COL11A1: variants seen among roughly 807,000 people sequenced by gnomAD.
COL11A1 encodes the protein collagen type XI alpha 1 chain, also known as collagen alpha-1(XI) chain.
Under a neutral mutation model 265.2 loss-of-function variants are expected in COL11A1, and 74 were observed. That is an observed-to-expected ratio of 0.28 (90% confidence interval 0.23 to 0.34). The LOEUF (loss-of-function observed/expected upper bound fraction) is 0.34, where lower values mean the gene tolerates loss of function less well. Ranked by LOEUF, COL11A1 falls within the 10% of genes least tolerant of loss-of-function variation. The pLI, the probability that COL11A1 is intolerant of heterozygous loss-of-function variation, is 1.00. For missense variants in COL11A1, 2,165 were observed against 2,263.6 expected (o/e 0.96, Z 0.88); for synonymous variants, 816 against 727.6 (o/e 1.12, Z -1.96).
At chr1:102,885,027 GC>G (rs1231089167) in intron 63 of COL11A1, among the ~76,000 whole-genome samples, 1 of 152,100 alleles carries the variant, frequency 6.6e-6, no homozygotes, top group African/African-American at 2.4e-5. Context: ...TACAACACAG[GC>G]CAGGGAGTAT....
chr1:103,003,601 G>A (rs1228288894), intron 20 of COL11A1, among the ~76,000 whole-genome samples: 2 of 151,888 alleles, frequency 1.3e-5, no homozygotes, highest in Non-Finnish European at 2.9e-5. Flanking sequence ...TGACAGCATC[G>A]AACATTATTA....
intron 1 of COL11A1, among the ~76,000 whole-genome samples, chr1:103,086,683 TG>T (rs1398669174): frequency 1.3e-5 from 2 of 152,168 alleles, no homozygotes; most frequent in Non-Finnish European, 2.9e-5. Flanking sequence ...CCCAAAGTGC[TG>T]GGATTACAGG....
At chr1:102,923,705 T>C (rs1025421318) in intron 46 of COL11A1, among the ~76,000 whole-genome samples, 3 of 152,120 alleles carry the variant, frequency 2.0e-5, no homozygotes, top group Non-Finnish European at 2.9e-5. Context: ...ACAAATAATA[T>C]ATAGAACTTC....
chr1:103,011,462 A>T (rs1041332913), intron 14 of COL11A1, among the ~76,000 whole-genome samples: 1 of 152,062 alleles, frequency 6.6e-6, no homozygotes, highest in African/African-American at 2.4e-5. Context: ...AAATATATAT[A>T]AAATTTTATG....
chr1:102,998,950 C>T (rs1664876779), intron 24 of COL11A1, among the ~76,000 whole-genome samples: 1 of 151,912 alleles, frequency 6.6e-6, no homozygotes, highest in Admixed American at 6.6e-5. Context: ...TGTTTAACCA[C>T]ACAGAGTTTC....
At chr1:103,042,340 T>A (rs1668878163) in intron 4 of COL11A1, among the ~76,000 whole-genome samples, 1 of 152,144 alleles carries the variant, frequency 6.6e-6, no homozygotes, top group Non-Finnish European at 1.5e-5. Flanking sequence ...TGAAATAACT[T>A]TCACCTGAGA....
chr1:102,960,298 T>G (rs1660771193), intron 41 of COL11A1, among the ~76,000 whole-genome samples: 2 of 152,130 alleles, frequency 1.3e-5, no homozygotes, highest in African/African-American at 2.4e-5. Flanking sequence ...TATATAAAAT[T>G]TATTCCAATA....
Position 102,887,640 on chromosome 1 carries a change from G to A in COL11A1, c.4609-584C>T, listed in dbSNP as rs2783568. ...TCAAATAGTTATCATATTGTCATGGGTTGAATTGTATCCCACAAAAATTTG... is the reference window on the plus strand; with the variant it reads ...TCAAATAGTTATCATATTGTCATGGATTGAATTGTATCCCACAAAAATTTG... On this transcript the variant is annotated intron_variant, in intron 62 of 66. Transcript: ENST00000370096. Among the ~76,000 whole-genome samples the A allele has an allele frequency of 4.3e-3, 662 of 152,220 alleles. 5 individuals are homozygous for A. Among genetic ancestry groups the A allele is most frequent in the African/African-American group, 0.015 (637 of 41,562 alleles).
At chr1:103,064,741 G>A (rs1487116284) in intron 4 of COL11A1, among the ~76,000 whole-genome samples, 1 of 147,798 alleles carries the variant, frequency 6.8e-6, no homozygotes, top group Non-Finnish European at 1.5e-5. Flanking sequence ...AACCTTAAAT[G>A]CATATTACTT....
intron 22 of COL11A1, 47 bp from the exon 23 acceptor site, chr1:103,002,528 A>C (rs770261722): frequency 6.7e-7 from 1 of 1,501,142 alleles, no homozygotes. Flanking sequence ...ATATTACACA[A>C]TAGATTTTTG....
chr1:102,898,312 C>T (rs1370211409), intron 56 of COL11A1, 134 bp from the exon 57 acceptor site: 3 of 369,804 alleles, frequency 8.1e-6, no homozygotes, highest in Non-Finnish European at 1.4e-5. Context: ...TGGAGGACAT[C>T]TACAAATATT....
intron 54 of COL11A1, among the ~76,000 whole-genome samples, chr1:102,905,818 G>T (rs1157740513): frequency 6.6e-6 from 1 of 152,024 alleles, no homozygotes; most frequent in Non-Finnish European, 1.5e-5. Context: ...TACTCTGAAA[G>T]TGCAGTTAAT....
intron 42 of COL11A1, among the ~76,000 whole-genome samples, chr1:102,942,607 A>G (rs192281665): frequency 5.5e-4 from 84 of 152,280 alleles, no homozygotes; most frequent in Non-Finnish European, 9.1e-4. Context: ...AGAATTAGCT[A>G]AACATCCCCA....
intron 4 of COL11A1, among the ~76,000 whole-genome samples, chr1:103,057,158 T>A (rs1293380232): frequency 1.3e-5 from 2 of 152,224 alleles, no homozygotes; most frequent in Non-Finnish European, 1.5e-5. Flanking sequence ...CAAACTCTGT[T>A]GCTGCTTTAT....
intron 57 of COL11A1, among the ~76,000 whole-genome samples, chr1:102,896,090 T>A (rs1481067089): frequency 6.6e-6 from 1 of 151,970 alleles, no homozygotes. Context: ...ATTCATTTAA[T>A]TAACTTAAGA....
intron 3 of COL11A1, among the ~76,000 whole-genome samples, chr1:103,075,973 C>T (rs1338826468): frequency 6.6e-6 from 1 of 152,070 alleles, no homozygotes; most frequent in Non-Finnish European, 1.5e-5. Context: ...GCCAAGAAAT[C>T]TGGGTCTTCA....
chr1:102,942,849 T>G (rs1658875099), intron 42 of COL11A1, among the ~76,000 whole-genome samples: 1 of 152,114 alleles, frequency 6.6e-6, no homozygotes, highest in Admixed American at 6.6e-5. Flanking sequence ...CTTATCACAA[T>G]TCTGAAAAAT....
chr1:102,992,334 A>G (rs1486087332), intron 28 of COL11A1, among the ~76,000 whole-genome samples: 1 of 152,126 alleles, frequency 6.6e-6, no homozygotes, highest in Non-Finnish European at 1.5e-5. Flanking sequence ...GAATTCATCT[A>G]TGCCACCTAA....
chr1:103,086,337 C>T (rs554285139), intron 1 of COL11A1, among the ~76,000 whole-genome samples: 9 of 152,240 alleles, frequency 5.9e-5, no homozygotes, highest in African/African-American at 1.4e-4. Flanking sequence ...AAATGCATCC[C>T]CACTGTCATA....
Sources: allele counts gnomAD v4.1 joint callset (sites outside exome capture counted in the v4.1 genomes callset), GRCh38; gene constraint gnomAD v4.1.1; transcripts MANE v1.5; gene names NCBI Gene and HGNC (gene_info 2026-07-23, HGNC 2026-07-21).